Variants in AGBL1 observed in about 807,000 individuals in gnomAD.
AGBL1 encodes the protein AGBL carboxypeptidase 1, also known as cytosolic carboxypeptidase 4.
AGBL1 carries 130 observed loss-of-function variants against 118.9 expected under a neutral mutation model. That is an observed-to-expected ratio of 1.09 (90% CI 0.95 to 1.26). The LOEUF (loss-of-function observed/expected upper bound fraction) is 1.26. AGBL1 is among the 50% of genes most tolerant of loss of function. AGBL1 has a pLI of 0.00. For synonymous variants in AGBL1, 555 were observed against 478.9 expected, an observed-to-expected ratio of 1.16 and a Z score of -2.08; for missense variants, 1,584 against 1,298.1, an observed-to-expected ratio of 1.22 and a Z score of -3.38.
chr15:86,781,768 A>G (rs992622978), intron 22 of AGBL1, among the ~76,000 whole-genome samples: 3 of 152,202 alleles, frequency 2.0e-5, no homozygotes, highest in Non-Finnish European at 4.4e-5. Flanking sequence ...CTTGAGGCTT[A>G]TGAGACTGGA....
In AGBL1 at chr15:86,264,638, A is replaced by G; in HGVS notation, c.1467A>G (p.Arg489=). 6.2e-7 allele frequency: 1 copy of G among 1,613,944 alleles called. No homozygotes were observed. Among genetic ancestry groups the G allele is most frequent in the East Asian group, 2.2e-5 (1 of 44,884 alleles). Residue 489 remains arginine, a synonymous_variant, in exon 11 of 23, where the codon AGA becomes AGG. Coordinates refer to ENST00000614907, the MANE Select transcript of AGBL1 (RefSeq NM_001386094.1). ...SASFSNSTRT[R]EVVKVIDKLL... is the part of the protein sequence containing the mutation. ...CCTTTTCTAATTCCACTAGGACTAGAGAAGTTGTCAAAGTAATAGATAAGC... is the reference window on the plus strand; with the variant it reads ...CCTTTTCTAATTCCACTAGGACTAGGGAAGTTGTCAAAGTAATAGATAAGC...
chr15:86,546,877 A>C (rs531153105), intron 20 of AGBL1, among the ~76,000 whole-genome samples: 1 of 152,284 alleles, frequency 6.6e-6, no homozygotes, highest in South Asian at 2.1e-4. Context: ...TTTGTTTAAA[A>C]TTTCTGTAGA....
intron 17 of AGBL1, among the ~76,000 whole-genome samples, chr15:86,338,741 A>G (rs1274249106): frequency 6.6e-6 from 1 of 152,138 alleles, no homozygotes; most frequent in African/African-American, 2.4e-5. Context: ...CCCAAACTGG[A>G]ACCAGGAAAA....
intron 16 of AGBL1, among the ~76,000 whole-genome samples, chr15:86,289,204 G>T (rs1416256759): frequency 2.6e-5 from 4 of 151,906 alleles, no homozygotes; most frequent in Non-Finnish European, 5.9e-5. Flanking sequence ...CATTATTAAG[G>T]CTGACTAGCC....
intron 17 of AGBL1, among the ~76,000 whole-genome samples, chr15:86,308,214 G>T (rs550241496): frequency 4.6e-5 from 7 of 152,230 alleles, no homozygotes; most frequent in Non-Finnish European, 8.8e-5. Context: ...ATTTAGGTCA[G>T]TTTCTCCCCT....
intron 10 of AGBL1, 76 bp from the exon 11 acceptor site, chr15:86,264,182 G>A: frequency 1.6e-6 from 2 of 1,235,188 alleles, no homozygotes; most frequent in Non-Finnish European, 2.2e-6. Flanking sequence ...TGCCCAGAGA[G>A]TAAGGACAGG....
At chr15:86,311,961 C>T (rs2079927980) in intron 17 of AGBL1, among the ~76,000 whole-genome samples, 1 of 152,186 alleles carries the variant, frequency 6.6e-6, no homozygotes, top group South Asian at 2.1e-4. Flanking sequence ...TCGATGTTCC[C>T]ATGCTCTCAA....
intron 15 of AGBL1, among the ~76,000 whole-genome samples, chr15:86,275,464 C>T (rs1241645875): frequency 6.6e-6 from 1 of 152,134 alleles, no homozygotes; most frequent in Non-Finnish European, 1.5e-5. Context: ...TAAACAGAGC[C>T]ATTGTCATTA....
At chr15:86,438,660 T>TC (rs1491024205) in intron 18 of AGBL1, among the ~76,000 whole-genome samples, 1 of 50,768 alleles carries the variant, frequency 2.0e-5, no homozygotes. Context: ...TCTGTCTCTT[T>TC]TTTTTTTTTT....
At chr15:86,372,657 G>A (rs2080987353) in intron 17 of AGBL1, among the ~76,000 whole-genome samples, 1 of 152,190 alleles carries the variant, frequency 6.6e-6, no homozygotes, top group Non-Finnish European at 1.5e-5. Context: ...TATGGTCGTA[G>A]TTTTCCTGGC....
intron 5 of AGBL1, among the ~76,000 whole-genome samples, chr15:86,164,380 A>G (rs909857851): frequency 5.3e-5 from 8 of 152,162 alleles, no homozygotes; most frequent in African/African-American, 1.4e-4. Context: ...GAGCTGTCCA[A>G]ACTCACTAAG....
At chr15:86,401,269 C>T (rs2081440675) in intron 18 of AGBL1, among the ~76,000 whole-genome samples, 1 of 151,982 alleles carries the variant, frequency 6.6e-6, no homozygotes, top group African/African-American at 2.4e-5. Flanking sequence ...TGAGAACTGT[C>T]TATTCGTGTC....
At chr15:86,288,108 C>G (rs2079483335) in intron 16 of AGBL1, among the ~76,000 whole-genome samples, 1 of 152,124 alleles carries the variant, frequency 6.6e-6, no homozygotes, top group Non-Finnish European at 1.5e-5. Flanking sequence ...CCCTTTCTGG[C>G]TTTAGAGCCT....
intron 23 of AGBL1, among the ~76,000 whole-genome samples, chr15:86,979,897 C>A (rs887041278): frequency 2.6e-5 from 4 of 152,078 alleles, no homozygotes; most frequent in African/African-American, 9.7e-5. Flanking sequence ...CTTTCCCATC[C>A]CATAACAACA....
chr15:86,452,434 T>TA (rs2142071699), intron 18 of AGBL1, among the ~76,000 whole-genome samples: 1 of 152,330 alleles, frequency 6.6e-6, no homozygotes, highest in South Asian at 2.1e-4. Context: ...TATGACACTG[T>TA]AATGTAATTT....
chr15:86,129,243 C>G (rs558861853), intron 1 of AGBL1, among the ~76,000 whole-genome samples: 1 of 152,254 alleles, frequency 6.6e-6, no homozygotes, highest in East Asian at 1.9e-4. Flanking sequence ...ATGAAACTTG[C>G]TAAATTTAAC....
chr15:86,399,160 T>C (rs1296150555), intron 18 of AGBL1, among the ~76,000 whole-genome samples: 1 of 152,150 alleles, frequency 6.6e-6, no homozygotes, highest in Non-Finnish European at 1.5e-5. Flanking sequence ...GAAATTAGCC[T>C]TCTGAGCTCT....
intron 21 of AGBL1, among the ~76,000 whole-genome samples, chr15:86,637,546 A>G (rs1567096319): frequency 6.6e-6 from 1 of 152,182 alleles, no homozygotes; most frequent in African/African-American, 2.4e-5. Flanking sequence ...ATTCTGTGCT[A>G]TGGGAATTCT....
chr15:86,361,897 C>A (rs1325496615), intron 17 of AGBL1, among the ~76,000 whole-genome samples: 1 of 152,114 alleles, frequency 6.6e-6, no homozygotes, highest in Non-Finnish European at 1.5e-5. Flanking sequence ...AAAATTCATT[C>A]AGCCATTCTA....
Sources: gnomAD v4.1 joint callset for allele counts (sites outside exome capture counted in the v4.1 genomes callset) on GRCh38, gnomAD v4.1.1 for gene constraint, MANE v1.5 for transcripts, NCBI Gene and HGNC (gene_info 2026-07-23, HGNC 2026-07-21) for gene names.